Variants in UBE2QL1 observed in about 807,000 individuals in gnomAD.
UBE2QL1 encodes ubiquitin conjugating enzyme E2 QL1, also known as ubiquitin-conjugating enzyme E2Q-like protein 1.
Under a neutral mutation model 12.6 loss-of-function variants are expected in UBE2QL1, and 5 were observed. That is an observed-to-expected ratio of 0.40 (90% CI 0.21 to 0.83). The LOEUF is 0.83. UBE2QL1 is among the 40% of genes least tolerant of loss of function. UBE2QL1 has a pLI of 0.37. For synonymous variants in UBE2QL1, 96 were observed against 94.5 expected, an observed-to-expected ratio of 1.02 and a Z score of -0.10; for missense variants, 99 against 222.6, an observed-to-expected ratio of 0.44 and a Z score of 3.53.
chr5:6,462,425 G>A (rs952882519), intron 1 of UBE2QL1, among the ~76,000 whole-genome samples: 6 of 152,216 alleles, frequency 3.9e-5, no homozygotes, highest in African/African-American at 1.4e-4. Context: ...ATCCTGGACT[G>A]AGGAGTGAGG....
intron 1 of UBE2QL1, among the ~76,000 whole-genome samples, chr5:6,474,756 C>G (rs138485603): frequency 1.3e-3 from 193 of 152,270 alleles, no homozygotes; most frequent in African/African-American, 4.5e-3. Flanking sequence ...GCAGTGAGCA[C>G]TTTAGTACTG....
chr5:6,487,261 G>A (rs1241943543), intron 1 of UBE2QL1, among the ~76,000 whole-genome samples: 16 of 152,146 alleles, frequency 1.1e-4, no homozygotes, highest in Admixed American at 1.0e-3. Context: ...ATTGCTATTG[G>A]CCCTCAAAAG....
intron 1 of UBE2QL1, among the ~76,000 whole-genome samples, chr5:6,463,634 A>ATTATTATT (rs1242683499): frequency 6.9e-6 from 1 of 144,118 alleles, no homozygotes; most frequent in African/African-American, 2.7e-5. Context: ...TATTATTATT[A>ATTATTATT]TTATTATTTT....
In UBE2QL1 at chr5:6,478,622, G is replaced by T. The variant is rs886786669; in HGVS notation, c.355-12596G>T. On this transcript the variant is annotated intron_variant, in intron 1 of 1. Coordinates refer to ENST00000399816, the MANE Select transcript of UBE2QL1 (RefSeq NM_001145161.3). This position sits in a 1 kb window ranked among gnomAD's most constrained non-coding sequence, Gnocchi z 4.5. ...CTAGTGACATTCTTGGTCTCTTTCG[G>T]TTTTTTTTTTTTTGGACTTTAACAG... Among the ~76,000 whole-genome samples, 2 of 144,662 alleles carry T rather than the reference G, an allele frequency of 1.4e-5. No homozygotes were observed. The highest frequency in any genetic ancestry group is 2.5e-5 in the African/African-American group (1 of 39,474). 94.9% of individuals were successfully genotyped at this position (144,662 alleles called of 152,430 possible).
In UBE2QL1 at chr5:6,494,070, C is replaced by G. The variant is rs1343388022; in HGVS notation, c.*2721C>G. The G allele has an allele frequency of 6.6e-6, 1 of 152,228 alleles. No homozygotes were observed. The highest frequency in any genetic ancestry group is 1.5e-5 in the Non-Finnish European group (1 of 68,054). The allele number at this position is 152,228 out of a possible 1,614,324, so 9.4% of individuals were successfully genotyped here. ...ACCCATGTATCTGTGGGAACTCAAA[C>G]CAAGCCAGAGCCCACAGAGCCAAAC... On this transcript the variant is annotated 3_prime_UTR_variant, in exon 2 of 2. Coordinates refer to ENST00000399816, the MANE Select transcript of UBE2QL1 (RefSeq NM_001145161.3).
rs1734316805 is a variant in UBE2QL1 at position 6,479,556 on chromosome 5, TG to T, written c.355-11661del. Among the ~76,000 whole-genome samples, 1 of 152,176 alleles carries T rather than the reference TG, an allele frequency of 6.6e-6. No homozygotes were observed. The highest frequency in any genetic ancestry group is 6.5e-5 in the Admixed American group (1 of 15,282). On this transcript the variant is annotated intron_variant, in intron 1 of 1. Transcript: ENST00000399816. The surrounding 1 kb of genome is among the most constrained non-coding windows in gnomAD (Gnocchi z 4.2). Reference sequence around the variant, plus strand: ...AGGTGCTGATGTCTGTATCCTCCGGTGAGTCTGTCCATCATAAAAAGGGCAG... The same window carrying T: ...AGGTGCTGATGTCTGTATCCTCCGGTAGTCTGTCCATCATAAAAAGGGCAG...
chr5:6,455,479 G>A (rs1015782905), intron 1 of UBE2QL1, among the ~76,000 whole-genome samples: 14 of 152,206 alleles, frequency 9.2e-5, no homozygotes, highest in South Asian at 2.1e-4. Context: ...TGATGTAGTC[G>A]GGAGGGGAGA....
chr5:6,454,635 C>T (rs368939339), intron 1 of UBE2QL1, among the ~76,000 whole-genome samples: 47 of 152,226 alleles, frequency 3.1e-4, no homozygotes, highest in South Asian at 1.2e-3. Flanking sequence ...TGAAGCCACA[C>T]GGAGGGAGGC....
In UBE2QL1 at chr5:6,478,736, C is replaced by A. The variant is rs1734289299; in HGVS notation, c.355-12482C>A. Among the ~76,000 whole-genome samples, 4 of 152,056 alleles carry A rather than the reference C, an allele frequency of 2.6e-5. No homozygotes were observed. The stretch of plus-strand genomic sequence containing the variant: ...TGTGAAATGAAGTGTCCTGATCACC[C>A]AATGGCACGGGTGATCAAAGCCACA... On this transcript the variant is annotated intron_variant, in intron 1 of 1. Coordinates refer to ENST00000399816, the MANE Select transcript of UBE2QL1 (RefSeq NM_001145161.3). This position sits in a 1 kb window ranked among gnomAD's most constrained non-coding sequence, Gnocchi z 4.5.
At chr5:6,468,869 A>G (rs962776836) in intron 1 of UBE2QL1, among the ~76,000 whole-genome samples, 6 of 152,216 alleles carry the variant, frequency 3.9e-5, no homozygotes, top group Non-Finnish European at 7.3e-5. Context: ...ATGTTCCATC[A>G]TGTGCACTTT....
chr5:6,466,019 C>G (rs1258659848), intron 1 of UBE2QL1, among the ~76,000 whole-genome samples: 1 of 152,102 alleles, frequency 6.6e-6, no homozygotes, highest in African/African-American at 2.4e-5. Context: ...CCCTTGCACC[C>G]TCTATCCTCC....
intron 1 of UBE2QL1, among the ~76,000 whole-genome samples, chr5:6,477,421 C>T (rs1368557316): frequency 1.3e-5 from 2 of 151,944 alleles, no homozygotes; most frequent in Admixed American, 6.5e-5. Flanking sequence ...CTGACAGGTG[C>T]GCCCGGAGAT....
rs1158420948 is a variant in UBE2QL1 at position 6,496,533 on chromosome 5, G to A, written c.*5184G>A. On this transcript the variant is annotated 3_prime_UTR_variant, in exon 2 of 2. Transcript: ENST00000399816. ...TTTGGTGTATCCTGTTTCCAGAGTT[G>A]TCCTCTTCTGTGATCCTCAAAAGAA... is the stretch of plus-strand genomic sequence containing the variant. Among the ~76,000 whole-genome samples, 2 of 152,074 alleles carry A rather than the reference G, an allele frequency of 1.3e-5. No homozygotes were observed. The highest frequency in any genetic ancestry group is 4.8e-5 in the African/African-American group (2 of 41,386).
chr5:6,461,540 A>ACCCCCCCCCCCC (rs71606052), intron 1 of UBE2QL1, among the ~76,000 whole-genome samples: 41 of 46,812 alleles, frequency 8.8e-4, no homozygotes, highest in Non-Finnish European at 1.4e-3. Context: ...TTCAGCACCC[A>ACCCCCCCCCCCC]CCACCCCCCC....
intron 1 of UBE2QL1, among the ~76,000 whole-genome samples, chr5:6,484,749 C>A (rs1221152545): frequency 6.6e-6 from 1 of 151,850 alleles, no homozygotes; most frequent in African/African-American, 2.4e-5. Flanking sequence ...TGTCTTTCTC[C>A]CCCTCCCCTG....
At chr5:6,461,488 A>T (rs894911821) in intron 1 of UBE2QL1, among the ~76,000 whole-genome samples, 2 of 146,786 alleles carry the variant, frequency 1.4e-5, no homozygotes, top group African/African-American at 2.5e-5. Flanking sequence ...TCCTCATCTG[A>T]GATGATTATA....
intron 1 of UBE2QL1, among the ~76,000 whole-genome samples, chr5:6,459,270 G>A (rs561275957): frequency 5.9e-5 from 9 of 152,246 alleles, no homozygotes; most frequent in African/African-American, 1.7e-4. Context: ...GGACATTACC[G>A]TAAGTCACAA....
chr5:6,465,914 T>C (rs1469932894), intron 1 of UBE2QL1, among the ~76,000 whole-genome samples: 1 of 152,154 alleles, frequency 6.6e-6, no homozygotes, highest in Non-Finnish European at 1.5e-5. Flanking sequence ...TTCCACTTTC[T>C]CCTCTCAGTG....
At chr5:6,468,258 C>T (rs1047675863) in intron 1 of UBE2QL1, among the ~76,000 whole-genome samples, 3 of 152,190 alleles carry the variant, frequency 2.0e-5, no homozygotes, top group Admixed American at 6.5e-5. Context: ...CCTGTTCCCT[C>T]GCTCTGGTTT....
Sources: gnomAD v4.1 joint callset for allele counts (sites outside exome capture counted in the v4.1 genomes callset) on GRCh38, gnomAD v4.1.1 for gene constraint, Gnocchi (gnomAD v3.1) non-coding constraint, MANE v1.5 for transcripts, NCBI Gene and HGNC (gene_info 2026-07-23, HGNC 2026-07-21) for gene names.